SPAG16: variants seen among roughly 807,000 people sequenced by gnomAD.
SPAG16 encodes sperm-associated antigen 16 protein.
A neutral mutation model predicts 80.4 loss-of-function variants in SPAG16; 86 were observed. The observed-to-expected ratio is 1.07, with a 90% CI of 0.90 to 1.28. The LOEUF (loss-of-function observed/expected upper bound fraction) is 1.28, where lower values mean the gene tolerates loss of function less well. SPAG16 is among the 50% of genes most tolerant of loss of function. SPAG16 has a pLI of 0.00. For missense variants in SPAG16, 870 were observed against 765.3 expected, an observed-to-expected ratio of 1.14 and a Z score of -1.61; for synonymous variants, 294 against 265.9, an observed-to-expected ratio of 1.11 and a Z score of -1.03.
At chr2:213,805,345 A>G (rs1202838270) in intron 10 of SPAG16, among the ~76,000 whole-genome samples, 1 of 152,196 alleles carries the variant, frequency 6.6e-6, no homozygotes, top group Non-Finnish European at 1.5e-5. Flanking sequence ...TGGTGGAGAA[A>G]CTGATGTGGC....
At chr2:213,690,623 T>C (rs1383058459) in intron 10 of SPAG16, among the ~76,000 whole-genome samples, 1 of 152,214 alleles carries the variant, frequency 6.6e-6, no homozygotes, top group Non-Finnish European at 1.5e-5. Flanking sequence ...TCATCCTCAA[T>C]GTGGGTGGCA....
chr2:213,588,525 G>A (rs1173153500), intron 10 of SPAG16, among the ~76,000 whole-genome samples: 2 of 150,216 alleles, frequency 1.3e-5, no homozygotes, highest in East Asian at 2.0e-4. Flanking sequence ...ATCCATGGCC[G>A]GGCGCGGTGG....
At chr2:214,164,236 A>C (rs185109810) in intron 15 of SPAG16, among the ~76,000 whole-genome samples, 14 of 152,260 alleles carry the variant, frequency 9.2e-5, no homozygotes, top group Non-Finnish European at 1.0e-4. Flanking sequence ...GTGGATGATA[A>C]ATAGCTACCG....
At chr2:213,383,319 G>C (rs1243198846) in intron 9 of SPAG16, among the ~76,000 whole-genome samples, 1 of 152,048 alleles carries the variant, frequency 6.6e-6, no homozygotes, top group South Asian at 2.1e-4. Flanking sequence ...TGCTAAGATT[G>C]CAGAGTATTT....
chr2:214,218,575 G>C (rs2058489987), intron 15 of SPAG16, among the ~76,000 whole-genome samples: 1 of 152,212 alleles, frequency 6.6e-6, no homozygotes, highest in South Asian at 2.1e-4. Flanking sequence ...CCTGGGAAGA[G>C]AGGATAAGAG....
intron 7 of SPAG16, among the ~76,000 whole-genome samples, chr2:213,355,777 G>A (rs1175561093): frequency 6.6e-6 from 1 of 152,042 alleles, no homozygotes; most frequent in Non-Finnish European, 1.5e-5. Flanking sequence ...GAGATGATGG[G>A]GTTTTCTAAA....
In SPAG16 at chr2:214,231,105, C is replaced by T. The variant is rs538211536; in HGVS notation, c.1720+81839C>T. Among the ~76,000 whole-genome samples the T allele has an allele frequency of 2.5e-4, 38 of 152,000 alleles. 3 individuals are homozygous for T. In the South Asian group the frequency reaches 6.8e-3, roughly 27 times the overall value. On this transcript the variant is annotated intron_variant, in intron 15 of 15. Transcript: ENST00000331683. ...TGCTTGGTGTCCTATGTCGTTGGAT[C>T]CAGACATCGTTGGAATAACCAACCA...
chr2:213,435,715 A>G (rs2125505149), intron 9 of SPAG16, among the ~76,000 whole-genome samples: 1 of 152,340 alleles, frequency 6.6e-6, no homozygotes, highest in Non-Finnish European at 1.5e-5. Flanking sequence ...AAAATGACTG[A>G]TAAAAGACAC....
At chr2:213,841,343 A>G (rs972171025) in intron 10 of SPAG16, among the ~76,000 whole-genome samples, 2 of 152,206 alleles carry the variant, frequency 1.3e-5, no homozygotes, top group East Asian at 3.8e-4. Context: ...TGGTAGTGCC[A>G]GGAAAATAAG....
intron 15 of SPAG16, among the ~76,000 whole-genome samples, chr2:214,276,174 G>A (rs1692448441): frequency 2.0e-5 from 3 of 151,992 alleles, no homozygotes; most frequent in Admixed American, 2.0e-4. Context: ...CATTTATTTT[G>A]AGCCAATGTG....
intron 12 of SPAG16, among the ~76,000 whole-genome samples, chr2:213,943,880 C>A (rs761044580): frequency 6.6e-6 from 1 of 152,040 alleles, no homozygotes; most frequent in Non-Finnish European, 1.5e-5. Context: ...GTTATAGAGA[C>A]GGAAATACAC....
chr2:213,328,748 AC>A (rs2063949219), intron 5 of SPAG16, among the ~76,000 whole-genome samples: 1 of 152,082 alleles, frequency 6.6e-6, no homozygotes, highest in African/African-American at 2.4e-5. Flanking sequence ...TCATACTGCT[AC>A]CTCAGGAGTA....
intron 12 of SPAG16, among the ~76,000 whole-genome samples, chr2:213,951,827 T>C (rs1019743070): frequency 8.5e-5 from 13 of 152,152 alleles, no homozygotes; most frequent in African/African-American, 4.8e-5. Flanking sequence ...ACATAGTTAT[T>C]TTCATTTGTA....
At chr2:213,860,359 ATATATGTG>A (rs1488927621) in intron 10 of SPAG16, among the ~76,000 whole-genome samples, 5 of 65,522 alleles carry the variant, frequency 7.6e-5, no homozygotes, top group South Asian at 1.4e-3. Context: ...ATATATATAT[ATATATGTG>A]TGTGTGTGTA....
chr2:213,791,104 A>C (rs181464780), intron 10 of SPAG16, among the ~76,000 whole-genome samples: 1 of 152,080 alleles, frequency 6.6e-6, no homozygotes, highest in Non-Finnish European at 1.5e-5. Flanking sequence ...TGGTGTGGAC[A>C]TAGTAATAAG....
chr2:213,367,237 G>A (rs1229023023), intron 8 of SPAG16, among the ~76,000 whole-genome samples: 10 of 8,784 alleles, frequency 1.1e-3, no homozygotes, highest in South Asian at 0.019. Context: ...GAATAGTGCC[G>A]CAATAAACAT....
chr2:213,823,054 T>C (rs1190211025), intron 10 of SPAG16, among the ~76,000 whole-genome samples: 4 of 152,230 alleles, frequency 2.6e-5, no homozygotes, highest in Non-Finnish European at 5.9e-5. Flanking sequence ...ATGTGTCTTA[T>C]AGTAGAATGA....
At chr2:213,692,536 A>T (rs1162777530) in intron 10 of SPAG16, among the ~76,000 whole-genome samples, 2 of 152,150 alleles carry the variant, frequency 1.3e-5, no homozygotes, top group Non-Finnish European at 2.9e-5. Flanking sequence ...TCTGCCGGGC[A>T]TGGTGGCTCA....
intron 9 of SPAG16, among the ~76,000 whole-genome samples, chr2:213,409,543 G>T (rs528480131): frequency 6.6e-6 from 1 of 152,158 alleles, no homozygotes; most frequent in Non-Finnish European, 1.5e-5. Flanking sequence ...TTTTCTTAAC[G>T]CACTAACCTG....
Sources: gnomAD v4.1 joint callset for allele counts (sites outside exome capture counted in the v4.1 genomes callset) on GRCh38, gnomAD v4.1.1 for gene constraint, MANE v1.5 for transcripts, NCBI Gene and HGNC (gene_info 2026-07-23, HGNC 2026-07-21) for gene names.